DOCK7: variants seen among roughly 807,000 people sequenced by gnomAD.
DOCK7 encodes the protein dedicator of cytokinesis protein 7.
A neutral mutation model predicts 271.0 loss-of-function variants in DOCK7; 138 were observed. That is an observed-to-expected ratio of 0.51 (90% CI 0.44 to 0.59). The LOEUF (loss-of-function observed/expected upper bound fraction) is 0.59, where lower values mean the gene tolerates loss of function less well. Among genes scored for constraint, DOCK7 ranks in the 20% least tolerant of loss-of-function variants. DOCK7 has a pLI of 0.00. For synonymous variants in DOCK7, 823 were observed against 876.1 expected, an observed-to-expected ratio of 0.94 and a Z score of 1.07; for missense variants, 2,066 against 2,592.4, an observed-to-expected ratio of 0.80 and a Z score of 4.41.
At chr1:62,664,990 CTTTTA>C (rs1287857276) in intron 1 of DOCK7, among the ~76,000 whole-genome samples, 2 of 151,930 alleles carry the variant, frequency 1.3e-5, no homozygotes, top group Non-Finnish European at 2.9e-5. Context: ...TCCATTAGGG[CTTTTA>C]TTTATTTATT....
At chr1:62,588,646 T>C (rs191349334) in intron 14 of DOCK7, among the ~76,000 whole-genome samples, 1 of 152,302 alleles carries the variant, frequency 6.6e-6, no homozygotes, top group East Asian at 1.9e-4. Flanking sequence ...TAAAGGATAA[T>C]GTGTTATTTT....
At position 62,539,786 on chromosome 1, in the gene DOCK7, G is replaced by A. The variant is rs757960377; in HGVS notation, c.3152C>T (p.Thr1051Met). 32 of 1,613,300 alleles carry A rather than the reference G, an allele frequency of 2.0e-5. 1 individual carries two copies. The highest frequency in any genetic ancestry group is 4.4e-5 in the South Asian group (4 of 90,788). ...TCGTGAAACTATATCACTAGCAATC[G>A]TGCTGACAAGAGCTGCAATGTCATC... is the stretch of plus-strand genomic sequence containing the variant. The part of the protein sequence containing the change: ...FMDDIAALVS[T>M]IASDIVSRFQ... Residue 1051 changes from threonine (T) to methionine (M), a missense_variant, in exon 26 of 50, where the codon ACG (threonine) becomes ATG (methionine). By Grantham distance (81) the Thr-to-Met change is moderately conservative. This residue lies in a region of DOCK7 where 1,414 missense variants were observed against 1,670.4 expected (regional missense o/e 0.85). Coordinates refer to ENST00000635253, the MANE Select transcript of DOCK7 (RefSeq NM_001367561.1).
At position 62,674,983 on chromosome 1, in the gene DOCK7, C is replaced by T. The variant is rs542002695; in HGVS notation, c.39-11853G>A. Among the ~76,000 whole-genome samples, 11 of 152,196 alleles carry T rather than the reference C, an allele frequency of 7.2e-5. No individual in the cohort carries two copies. In the South Asian group the frequency reaches 1.7e-3, roughly 23 times the overall value. On this transcript the variant is annotated intron_variant, in intron 1 of 49. Transcript: ENST00000635253. ...ATTAAAATTGAAAACCTTTGTGCTT[C>T]AAACATCACCTAAAAAATGAAAGGA...
At chr1:62,546,516 C>G (rs532853424) in intron 22 of DOCK7, among the ~76,000 whole-genome samples, 1 of 152,082 alleles carries the variant, frequency 6.6e-6, no homozygotes, top group Non-Finnish European at 1.5e-5. Context: ...TACTTAATTT[C>G]TTTTTCAGTT....
intron 7 of DOCK7, among the ~76,000 whole-genome samples, chr1:62,639,497 C>T (rs1571867267): frequency 1.6e-5 from 2 of 127,852 alleles, no homozygotes; most frequent in African/African-American, 6.2e-5. Flanking sequence ...TGCAGTGGCT[C>T]GATCTCGGCT....
chr1:62,517,820 C>A (rs769071051), intron 31 of DOCK7, among the ~76,000 whole-genome samples: 25 of 152,180 alleles, frequency 1.6e-4, no homozygotes, highest in Non-Finnish European at 2.9e-4. Flanking sequence ...TGAACATGTG[C>A]ATAACCTCTA....
Position 62,543,752 on chromosome 1 carries a change from A to T in DOCK7, c.2860-7T>A. The stretch of plus-strand genomic sequence containing the variant: ...TACAACTTCGATCCATAGCCTATGG[A>T]GTGAAGATGAATGAATGACGAGATA... On this transcript the variant is annotated splice_polypyrimidine_tract_variant and splice_region_variant and intron_variant, in intron 23 of 49. Transcript: ENST00000635253. 1 of 1,567,816 alleles carries T rather than the reference A, an allele frequency of 6.4e-7. No individual in the cohort carries two copies. Among genetic ancestry groups the T allele is most frequent in the Admixed American group, 1.7e-5 (1 of 59,440 alleles).
At chr1:62,575,508 A>G (rs1333910926) in intron 18 of DOCK7, among the ~76,000 whole-genome samples, 1 of 152,208 alleles carries the variant, frequency 6.6e-6, no homozygotes, top group East Asian at 1.9e-4. Context: ...AATACATTTA[A>G]CATACGAAAT....
intron 31 of DOCK7, among the ~76,000 whole-genome samples, chr1:62,527,892 A>G (rs924746109): frequency 7.2e-6 from 1 of 139,848 alleles, no homozygotes; most frequent in Non-Finnish European, 1.6e-5. Flanking sequence ...AAAAAAAAAG[A>G]AATGAACTAT....
At chr1:62,666,246 T>C (rs936534913) in intron 1 of DOCK7, among the ~76,000 whole-genome samples, 2 of 152,104 alleles carry the variant, frequency 1.3e-5, no homozygotes, top group Admixed American at 1.3e-4. Context: ...AATAAAAACT[T>C]TGCCAATTAA....
At chr1:62,533,601 G>A (rs1571432652) in intron 29 of DOCK7, among the ~76,000 whole-genome samples, 1 of 152,078 alleles carries the variant, frequency 6.6e-6, no homozygotes, top group African/African-American at 2.4e-5. Flanking sequence ...AACCCATTAA[G>A]CACCTCTTCA....
At chr1:62,548,423 C>CTT (rs34750610) in intron 22 of DOCK7, among the ~76,000 whole-genome samples, 17,920 of 139,036 alleles carry the variant, frequency 0.13, 1,547 homozygotes, top group Non-Finnish European at 0.18. Context: ...TGTCTTAAGT[C>CTT]TTTTTTTTTT....
intron 1 of DOCK7, among the ~76,000 whole-genome samples, chr1:62,670,083 G>A (rs942928018): frequency 2.6e-5 from 4 of 152,164 alleles, no homozygotes; most frequent in African/African-American, 9.7e-5. Context: ...CCGGCCCACC[G>A]GTGCTGCGCT....
intron 14 of DOCK7, chr1:62,602,264 G>T: frequency 6.4e-7 from 1 of 1,564,054 alleles, no homozygotes; most frequent in Non-Finnish European, 8.8e-7. Flanking sequence ...AAAAATACAT[G>T]ATTTCATTCA....
chr1:62,509,031 A>G (rs1445489323), intron 34 of DOCK7, among the ~76,000 whole-genome samples: 1 of 152,168 alleles, frequency 6.6e-6, no homozygotes, highest in East Asian at 1.9e-4. Flanking sequence ...TAAAGAGAAT[A>G]CTTCATTAAT....
chr1:62,658,858 T>A (rs1355652573), intron 2 of DOCK7, among the ~76,000 whole-genome samples: 2 of 150,472 alleles, frequency 1.3e-5, no homozygotes, highest in African/African-American at 4.9e-5. Context: ...ATGGCTGAGG[T>A]GGGAGAATTA....
intron 1 of DOCK7, among the ~76,000 whole-genome samples, chr1:62,683,925 T>C (rs1472737905): frequency 2.0e-5 from 3 of 148,546 alleles, no homozygotes; most frequent in Non-Finnish European, 4.4e-5. Context: ...AGACCCTATC[T>C]CAAGAAAAAA....
intron 31 of DOCK7, among the ~76,000 whole-genome samples, chr1:62,522,552 A>C (rs1300979453): frequency 2.0e-5 from 3 of 152,160 alleles, no homozygotes; most frequent in Non-Finnish European, 2.9e-5. Flanking sequence ...CAATAAAGGA[A>C]GGTATCTTAA....
At chr1:62,468,050 C>T (rs192469047) in intron 48 of DOCK7, among the ~76,000 whole-genome samples, 1 of 152,152 alleles carries the variant, frequency 6.6e-6, no homozygotes, top group East Asian at 1.9e-4. Context: ...TGACAAAATC[C>T]AGCACCCCTT....
Sources: allele counts gnomAD v4.1 joint callset (sites outside exome capture counted in the v4.1 genomes callset), GRCh38; gene constraint gnomAD v4.1.1; regional missense constraint gnomAD v4.1.1; transcripts MANE v1.5; gene names NCBI Gene and HGNC (gene_info 2026-07-23, HGNC 2026-07-21).